Variants in NRXN3 observed in about 807,000 individuals in gnomAD.
The protein encoded by NRXN3 is neurexin 3, also known as neurexin III.
A neutral mutation model predicts 137.6 loss-of-function variants in NRXN3; 32 were observed. The observed-to-expected ratio is 0.23, with a 90% CI of 0.18 to 0.31. The LOEUF (loss-of-function observed/expected upper bound fraction) is 0.31, where lower values mean the gene tolerates loss of function less well. NRXN3 is among the 10% of genes least tolerant of loss of function. The pLI is 1.00. For synonymous variants in NRXN3, 798 were observed against 784.5 expected, an observed-to-expected ratio of 1.02 and a Z score of -0.29; for missense variants, 1,574 against 2,062.5, an observed-to-expected ratio of 0.76 and a Z score of 4.59.
At chr14:78,373,234 A>G (rs2153620599) in intron 4 of NRXN3, among the ~76,000 whole-genome samples, 1 of 149,998 alleles carries the variant, frequency 6.7e-6, no homozygotes, top group Admixed American at 6.7e-5. Context: ...GTCAGAGGGG[A>G]CAGTGGTTGT....
At chr14:78,363,663 G>A (rs147914863) in intron 4 of NRXN3, among the ~76,000 whole-genome samples, 1 of 152,236 alleles carries the variant, frequency 6.6e-6, no homozygotes, top group African/African-American at 2.4e-5. Flanking sequence ...GTGCTATCTG[G>A]CTGGAGAATC....
intron 16 of NRXN3, among the ~76,000 whole-genome samples, chr14:79,625,567 C>A (rs1258818012): frequency 1.3e-5 from 2 of 152,016 alleles, no homozygotes; most frequent in Non-Finnish European, 1.5e-5. Context: ...TATATTCCCA[C>A]TAACAGTGTA....
intron 4 of NRXN3, among the ~76,000 whole-genome samples, chr14:78,497,390 GAA>G (rs1205505140): frequency 1.3e-5 from 2 of 151,982 alleles, no homozygotes; most frequent in Non-Finnish European, 2.9e-5. Context: ...TCCTCTTAAA[GAA>G]TGTACCTACC....
chr14:79,603,585 G>A lies in NRXN3; in HGVS notation c.3445-60193G>A, dbSNP rs17109577. 0.019 allele frequency among the ~76,000 whole-genome samples: 2,935 copies of A among 151,908 alleles called. 181 individuals carry two copies. In the East Asian group the frequency reaches 0.25, roughly 13 times the overall value. On this transcript the variant is annotated intron_variant, in intron 16 of 20. Transcript: ENST00000335750. ...ATGTCTCATTGCACTTATTCTAATC[G>A]GAGCTTGTTCTTGTCATTTTTTTTC...
intron 15 of NRXN3, among the ~76,000 whole-genome samples, chr14:79,323,485 T>C (rs780783857): frequency 6.6e-5 from 10 of 152,242 alleles, no homozygotes; most frequent in Non-Finnish European, 1.0e-4. Flanking sequence ...AAAGAGTTAA[T>C]GAAGCATGAG....
chr14:78,849,691 G>A (rs947663014), intron 10 of NRXN3, among the ~76,000 whole-genome samples: 6 of 151,986 alleles, frequency 3.9e-5, no homozygotes, highest in East Asian at 1.9e-4. Flanking sequence ...TCTCTATCTC[G>A]TGGAGGGAAG....
intron 4 of NRXN3, among the ~76,000 whole-genome samples, chr14:78,586,030 A>G (rs1403384477): frequency 6.6e-6 from 1 of 152,210 alleles, no homozygotes; most frequent in Non-Finnish European, 1.5e-5. Context: ...AGGGAGCCCT[A>G]TTACTTGGAG....
At chr14:79,275,741 G>T (rs561981113) in intron 15 of NRXN3, among the ~76,000 whole-genome samples, 5 of 150,852 alleles carry the variant, frequency 3.3e-5, no homozygotes, top group Non-Finnish European at 5.9e-5. Flanking sequence ...TGGGGGGGGG[G>T]ACATTTAAAA....
At chr14:78,348,311 C>G (rs2083015859) in intron 4 of NRXN3, among the ~76,000 whole-genome samples, 1 of 152,178 alleles carries the variant, frequency 6.6e-6, no homozygotes, top group African/African-American at 2.4e-5. Context: ...AACTTGGGGA[C>G]AAAAGCCTCC....
At chr14:79,713,507 T>C (rs536736713) in intron 19 of NRXN3, among the ~76,000 whole-genome samples, 1 of 142,926 alleles carries the variant, frequency 7.0e-6, no homozygotes, top group Admixed American at 6.9e-5. Context: ...TTTGAACATT[T>C]TGCCTTGGGT....
intron 4 of NRXN3, among the ~76,000 whole-genome samples, chr14:78,502,018 A>C (rs55764557): frequency 6.6e-6 from 1 of 151,784 alleles, no homozygotes; most frequent in African/African-American, 2.4e-5. Flanking sequence ...TCTCCACAGA[A>C]AGCCACAAAG....
At chr14:78,483,434 G>A (rs114241220) in intron 4 of NRXN3, among the ~76,000 whole-genome samples, 2,592 of 152,324 alleles carry the variant, frequency 0.017, 63 homozygotes, top group African/African-American at 0.051. Flanking sequence ...AGAGGCTAGA[G>A]CTTTCCACCA....
Position 78,907,643 on chromosome 14 carries a change from AT to A in NRXN3, c.2276-49593del, listed in dbSNP as rs1160695339. ...CATGTCTACATAATAAGAAGAACAT[AT>A]TTTTTAACTTTTAAGTCCAGGGGCA... On this transcript the variant is annotated intron_variant, in intron 10 of 20. Coordinates refer to ENST00000335750, the MANE Select transcript of NRXN3 (RefSeq NM_001330195.2). Among the ~76,000 whole-genome samples the A allele has an allele frequency of 2.6e-5, 4 of 152,134 alleles. No individual in the cohort carries two copies. In the East Asian group the frequency reaches 7.7e-4, roughly 29 times the overall value.
At chr14:78,424,056 C>T (rs1325042914) in intron 4 of NRXN3, among the ~76,000 whole-genome samples, 1 of 152,166 alleles carries the variant, frequency 6.6e-6, no homozygotes, top group Non-Finnish European at 1.5e-5. Context: ...ACTCAAGGCT[C>T]CCTCTTTGGA....
chr14:78,880,791 A>G (rs1456247538), intron 10 of NRXN3, among the ~76,000 whole-genome samples: 1 of 152,190 alleles, frequency 6.6e-6, no homozygotes, highest in African/African-American at 2.4e-5. Flanking sequence ...TGTGCCTACA[A>G]GCAGAAAGCT....
intron 15 of NRXN3, among the ~76,000 whole-genome samples, chr14:79,375,355 T>C (rs2153442513): frequency 7.0e-6 from 1 of 143,512 alleles, no homozygotes; most frequent in Middle Eastern, 3.7e-3. Context: ...TTTAAATGAA[T>C]GCATTGTTTT....
intron 4 of NRXN3, among the ~76,000 whole-genome samples, chr14:78,432,543 T>C (rs149605325): frequency 6.6e-6 from 1 of 152,250 alleles, no homozygotes; most frequent in Non-Finnish European, 1.5e-5. Context: ...AGGAAGGAAA[T>C]AGTTTCTTTC....
intron 15 of NRXN3, among the ~76,000 whole-genome samples, chr14:79,182,632 T>A (rs899043287): frequency 9.2e-5 from 14 of 152,296 alleles, no homozygotes; most frequent in African/African-American, 3.4e-4. Flanking sequence ...GCTGCTCACC[T>A]CCTGCTGTGT....
intron 4 of NRXN3, among the ~76,000 whole-genome samples, chr14:78,540,435 CT>C (rs537566835): frequency 0.059 from 6,860 of 116,536 alleles, 152 homozygotes; most frequent in African/African-American, 0.11. Flanking sequence ...GCAACCCCTG[CT>C]TTTTTTTTTT....
Sources: gnomAD v4.1 joint callset for allele counts (sites outside exome capture counted in the v4.1 genomes callset) on GRCh38, gnomAD v4.1.1 for gene constraint, MANE v1.5 for transcripts, NCBI Gene and HGNC (gene_info 2026-07-23, HGNC 2026-07-21) for gene names.